The following DEAF1 variants were observed in gnomAD, a reference collection of about 807,000 sequenced individuals.
DEAF1 encodes DEAF1 transcription factor.
Under a neutral mutation model 58.9 loss-of-function variants are expected in DEAF1, and 53 were observed. The observed-to-expected ratio is 0.90, with a 90% CI of 0.72 to 1.13. The LOEUF is 1.13. Ranked by LOEUF, DEAF1 falls within the 50% of genes most tolerant of loss-of-function variation. The pLI, the probability that DEAF1 is intolerant of heterozygous loss-of-function variation, is 0.00. For synonymous variants in DEAF1, 385 were observed against 340.4 expected (o/e 1.13, Z -1.44); for missense variants, 685 against 791.4 (o/e 0.87, Z 1.61).
intron 11 of DEAF1, chr11:646,735 T>C (rs1304893710): frequency 6.6e-6 from 1 of 152,150 alleles, no homozygotes; most frequent in African/African-American, 2.4e-5. Context: ...CTTCTTACAG[T>C]ATAATGCTAA....
chr11:685,329 C>T (rs1231405711), intron 5 of DEAF1, among the ~76,000 whole-genome samples: 4 of 152,070 alleles, frequency 2.6e-5, no homozygotes, highest in African/African-American at 9.7e-5. Flanking sequence ...AGCAATCTGC[C>T]CGCCTCGGCC....
At position 650,057 on chromosome 11, in the gene DEAF1, CAAAA is replaced by C. The variant is rs1457375615; in HGVS notation, c.1593+3901_1593+3904del. Among the ~76,000 whole-genome samples the C allele has an allele frequency of 1.1e-3, 155 of 146,778 alleles. 1 individual carries two copies. Among genetic ancestry groups the C allele is most frequent in the African/African-American group, 3.7e-3 (148 of 40,190 alleles). On this transcript the variant is annotated intron_variant, in intron 11 of 11. Transcript: ENST00000382409. ...AACAAAAACAAAAACAAAAACAAAACAAAAAAGTAGATTAAACACTCCAATCAAA... is the reference window on the plus strand; with the variant it reads ...AACAAAAACAAAAACAAAAACAAAACAAGTAGATTAAACACTCCAATCAAA...
chr11:645,462 G>A (rs542235943), intron 11 of DEAF1, among the ~76,000 whole-genome samples: 1 of 152,086 alleles, frequency 6.6e-6, no homozygotes, highest in East Asian at 1.9e-4. Context: ...GATTACAGGT[G>A]CACGCCACCA....
intron 10 of DEAF1, among the ~76,000 whole-genome samples, chr11:669,069 C>T (rs1204162706): frequency 1.3e-5 from 2 of 150,984 alleles, no homozygotes; most frequent in Non-Finnish European, 2.9e-5. Flanking sequence ...TTGTGATCTG[C>T]CCGCCTCGGC....
intron 10 of DEAF1, among the ~76,000 whole-genome samples, chr11:661,531 G>A (rs1859319606): frequency 2.6e-5 from 4 of 151,652 alleles, no homozygotes; most frequent in African/African-American, 7.3e-5. Context: ...CCAACATGGT[G>A]AAATACCGCG....
upstream of DEAF1, among the ~76,000 whole-genome samples, chr11:697,124 G>T (rs1342807735): frequency 7.2e-6 from 1 of 138,224 alleles, no homozygotes; most frequent in Non-Finnish European, 1.6e-5. Flanking sequence ...ATTACCTCAG[G>T]GAGCCTGTGG....
chr11:693,223 A>C (rs767267706), intron 1 of DEAF1, among the ~76,000 whole-genome samples: 104 of 152,370 alleles, frequency 6.8e-4, no homozygotes, highest in Non-Finnish European at 1.1e-3. Context: ...TGCATTCAGA[A>C]AAATACGTGC....
chr11:698,955 T>C, upstream of DEAF1: 1 of 1,596,560 alleles, frequency 6.3e-7, no homozygotes, highest in Non-Finnish European at 8.6e-7. Context: ...CAGAGAGCAC[T>C]CGGCCTCACC....
upstream of DEAF1, chr11:695,302 A>G (rs1861075089): frequency 2.2e-6 from 1 of 444,800 alleles, no homozygotes; most frequent in Non-Finnish European, 3.9e-6. Context: ...GCCGAGACCG[A>G]GTCCTGAACC....
intron 11 of DEAF1, among the ~76,000 whole-genome samples, chr11:647,852 C>T (rs1191330365): frequency 6.7e-6 from 1 of 149,308 alleles, no homozygotes; most frequent in Non-Finnish European, 1.5e-5. Context: ...GTGCTGGGAG[C>T]AGGTGGGTGG....
Position 688,695 on chromosome 11 carries a change from C to T in DEAF1, c.388-235G>A, listed in dbSNP as rs1450527139. 1.3e-5 allele frequency among the ~76,000 whole-genome samples: 2 copies of T among 152,188 alleles called. No individual in the cohort carries two copies. The highest frequency in any genetic ancestry group is 2.9e-5 in the Non-Finnish European group (2 of 68,028). On this transcript the variant is annotated intron_variant, in intron 2 of 11. Transcript: ENST00000382409. This position sits in a 1 kb window ranked among gnomAD's most constrained non-coding sequence, Gnocchi z 4.3. ...TGGTGCTGAGGAAAATGCTTGCCATCATTTGTCAAAGGGAAGGAAGAAAGG... is the reference window on the plus strand; with the variant it reads ...TGGTGCTGAGGAAAATGCTTGCCATTATTTGTCAAAGGGAAGGAAGAAAGG...
intron 11 of DEAF1, among the ~76,000 whole-genome samples, chr11:646,851 A>G (rs1197901481): frequency 1.3e-5 from 2 of 152,242 alleles, no homozygotes; most frequent in Non-Finnish European, 2.9e-5. Context: ...GAAGCTAACA[A>G]TGAAAGTGCC....
chr11:691,824 A>G (rs1342920912), intron 1 of DEAF1, among the ~76,000 whole-genome samples: 2 of 152,136 alleles, frequency 1.3e-5, no homozygotes, highest in African/African-American at 2.4e-5. Context: ...CTTCCCCAGT[A>G]AAGCCTTTTA....
chr11:701,355 A>ATTTTGTTTTG (rs1013633727), intron 1 of DEAF1, among the ~76,000 whole-genome samples: 1 of 137,390 alleles, frequency 7.3e-6, no homozygotes, highest in Admixed American at 7.4e-5. Context: ...CGCCCAGCTA[A>ATTTTGTTTTG]TTTTGTTTTG....
In DEAF1 at chr11:704,203, C is replaced by G. The variant is rs186717118; in HGVS notation, c.-438+2369G>C. On this transcript the variant is annotated intron_variant, in intron 1 of 11. Coordinates refer to the DEAF1 transcript ENST00000683307. ...CCTGCAAGAGAGCACACCCCACTTGCCAGCTGGTCAGTTCCTGGCTGGCCT... is the reference window on the plus strand; with the variant it reads ...CCTGCAAGAGAGCACACCCCACTTGGCAGCTGGTCAGTTCCTGGCTGGCCT... 4.2e-5 allele frequency: 42 copies of G among 1,011,780 alleles called. No individual in the cohort carries two copies. The East Asian group carries it at 2.7e-3, about 64-fold the overall frequency. 62.7% of individuals were successfully genotyped at this position (1,011,780 alleles called of 1,614,324 possible).
chr11:680,322 C>G (rs567635229), intron 7 of DEAF1, among the ~76,000 whole-genome samples: 1 of 152,306 alleles, frequency 6.6e-6, no homozygotes, highest in African/African-American at 2.4e-5. Context: ...CAGGAAGGAG[C>G]TGACAGGGTG....
intron 1 of DEAF1, chr11:704,075 G>A (rs1474008767): frequency 8.8e-7 from 1 of 1,130,022 alleles, no homozygotes. Flanking sequence ...CAAATATCTA[G>A]ATATTTTCTC....
upstream of DEAF1, chr11:698,740 T>A (rs1488168670): frequency 3.6e-6 from 4 of 1,118,768 alleles, no homozygotes; most frequent in East Asian, 9.4e-5. Flanking sequence ...ACGGTATATG[T>A]TTGCTGCTTT....
chr11:706,893 A>G, exon 1 of DEAF1: 1 of 152,508 alleles, frequency 6.6e-6, no homozygotes. Flanking sequence ...GAGAGGCAGG[A>G]GGGTGGGCTG....
Sources: gnomAD v4.1 joint callset for allele counts (sites outside exome capture counted in the v4.1 genomes callset) on GRCh38, gnomAD v4.1.1 for gene constraint, Gnocchi (gnomAD v3.1) non-coding constraint, MANE v1.5 for transcripts, NCBI Gene and HGNC (gene_info 2026-07-23, HGNC 2026-07-21) for gene names.